The following GALNT13 variants were observed in gnomAD, a reference collection of about 807,000 sequenced individuals.
The protein encoded by GALNT13 is polypeptide N-acetylgalactosaminyltransferase 13, also known as UDP-GalNAc:polypeptide N-acetylgalactosaminyltransferase 13.
A neutral mutation model predicts 64.2 loss-of-function variants in GALNT13; 28 were observed. The observed-to-expected ratio is 0.44, with a 90% CI of 0.32 to 0.60. The LOEUF is 0.60. GALNT13 is among the 20% of genes least tolerant of loss of function. GALNT13 has a pLI of 0.05. For synonymous variants in GALNT13, 214 were observed against 224.6 expected, an observed-to-expected ratio of 0.95 and a Z score of 0.42; for missense variants, 577 against 669.8, an observed-to-expected ratio of 0.86 and a Z score of 1.53.
chr2:154,121,276 G>A (rs1681926458), intron 3 of GALNT13, among the ~76,000 whole-genome samples: 1 of 152,132 alleles, frequency 6.6e-6, no homozygotes, highest in African/African-American at 2.4e-5. Flanking sequence ...TGGGGGTGGG[G>A]AAGTGGAACT....
intron 3 of GALNT13, among the ~76,000 whole-genome samples, chr2:153,949,111 T>G (rs182730624): frequency 2.1e-4 from 32 of 152,252 alleles, no homozygotes; most frequent in African/African-American, 7.2e-4. Context: ...TAACATGTTA[T>G]ACAAGTTTGT....
intron 4 of GALNT13, among the ~76,000 whole-genome samples, chr2:154,219,044 A>G (rs576842903): frequency 6.6e-6 from 1 of 151,934 alleles, no homozygotes; most frequent in Admixed American, 6.6e-5. Flanking sequence ...AGTAATCTCA[A>G]CTCCTCTGTA....
the GALNT13 span, among the ~76,000 whole-genome samples, chr2:153,792,117 T>C: frequency 6.6e-6 from 1 of 152,326 alleles, no homozygotes; most frequent in South Asian, 2.1e-4. Flanking sequence ...CTACTACATG[T>C]TGGTAACCAC....
chr2:153,845,295 G>T, the GALNT13 span, among the ~76,000 whole-genome samples: 5 of 152,002 alleles, frequency 3.3e-5, no homozygotes, highest in Non-Finnish European at 7.4e-5. Flanking sequence ...CAGGAAGCAC[G>T]CTGCTGATAT....
chr2:153,738,969 T>A, the GALNT13 span, among the ~76,000 whole-genome samples: 1 of 151,920 alleles, frequency 6.6e-6, no homozygotes, highest in African/African-American at 2.4e-5. Flanking sequence ...ATTAGCACTT[T>A]ACCATCTGTG....
the GALNT13 span, among the ~76,000 whole-genome samples, chr2:153,656,337 T>TGTGTGTGTGTGC: frequency 6.7e-6 from 1 of 150,020 alleles, no homozygotes; most frequent in African/African-American, 2.5e-5. Flanking sequence ...TGTGTGTGTG[T>TGTGTGTGTGTGC]GTGCGCGCGC....
chr2:154,437,508 A>C, intron 11 of GALNT13: 1 of 1,270,566 alleles, frequency 7.9e-7, no homozygotes, highest in Non-Finnish European at 1.0e-6. Flanking sequence ...CAGAATACTG[A>C]ACAATGCTTA....
chr2:153,178,724 C>CTCT, the GALNT13 span, among the ~76,000 whole-genome samples: 5 of 136,564 alleles, frequency 3.7e-5, 1 homozygote, highest in African/African-American at 1.1e-4. Context: ...TCCCATTTTT[C>CTCT]TCTTCTTCTT....
the GALNT13 span, among the ~76,000 whole-genome samples, chr2:153,369,816 T>C: frequency 6.6e-6 from 1 of 152,182 alleles, no homozygotes; most frequent in African/African-American, 2.4e-5. Context: ...CAATAACCAC[T>C]TGAGTCAGCT....
chr2:154,154,373 A>G (rs567179788), intron 4 of GALNT13, among the ~76,000 whole-genome samples: 1 of 152,354 alleles, frequency 6.6e-6, no homozygotes, highest in South Asian at 2.1e-4. Flanking sequence ...TTAACTATCC[A>G]TCCAAGCTCA....
the GALNT13 span, among the ~76,000 whole-genome samples, chr2:153,630,124 T>C: frequency 6.6e-6 from 1 of 150,988 alleles, no homozygotes; most frequent in African/African-American, 2.4e-5. Flanking sequence ...GAAATACCAT[T>C]TGACCCAGCC....
At chr2:154,089,100 A>G (rs1042243572) in intron 3 of GALNT13, among the ~76,000 whole-genome samples, 4 of 152,024 alleles carry the variant, frequency 2.6e-5, no homozygotes, top group East Asian at 1.9e-4. Flanking sequence ...CAAAATCTCT[A>G]TTATTATTCA....
chr2:153,825,875 G>A, the GALNT13 span, among the ~76,000 whole-genome samples: 1 of 152,118 alleles, frequency 6.6e-6, no homozygotes, highest in South Asian at 2.1e-4. Flanking sequence ...GTGGTGGCTT[G>A]CTTGGTGTCT....
chr2:153,944,220 G>T (rs1691548124), intron 2 of GALNT13, among the ~76,000 whole-genome samples, 174 bp from the exon 3 acceptor site: 1 of 152,070 alleles, frequency 6.6e-6, no homozygotes, highest in Non-Finnish European at 1.5e-5. Context: ...TAAAATGTTA[G>T]CCAACTAGCT....
chr2:153,087,278 ATATT>A, the GALNT13 span, among the ~76,000 whole-genome samples: 1 of 152,128 alleles, frequency 6.6e-6, no homozygotes, highest in African/African-American at 2.4e-5. Context: ...GTGATCTATC[ATATT>A]TATTTATTTG....
intron 8 of GALNT13, among the ~76,000 whole-genome samples, chr2:154,277,844 A>G (rs1691734807): frequency 6.6e-6 from 1 of 152,218 alleles, no homozygotes; most frequent in African/African-American, 2.4e-5. Context: ...TTGTCAAACT[A>G]ACCATGTGGT....
chr2:153,203,257 A>G, the GALNT13 span, among the ~76,000 whole-genome samples: 1 of 152,230 alleles, frequency 6.6e-6, no homozygotes, highest in Admixed American at 6.5e-5. Flanking sequence ...TTTCCTGGTA[A>G]GGTGAGGTCT....
intron 3 of GALNT13, among the ~76,000 whole-genome samples, chr2:154,125,201 T>C (rs1430948306): frequency 2.0e-5 from 3 of 152,180 alleles, no homozygotes; most frequent in African/African-American, 7.2e-5. Context: ...TTATTGTATA[T>C]GTTGGATGGG....
the GALNT13 span, among the ~76,000 whole-genome samples, chr2:153,650,971 C>T: frequency 6.6e-6 from 1 of 152,082 alleles, no homozygotes; most frequent in Admixed American, 6.6e-5. Flanking sequence ...TATCTGATTG[C>T]TGTGAGAGAA....
Sources: allele counts gnomAD v4.1 joint callset (sites outside exome capture counted in the v4.1 genomes callset), GRCh38; gene constraint gnomAD v4.1.1; transcripts MANE v1.5; gene names NCBI Gene and HGNC (gene_info 2026-07-23, HGNC 2026-07-21).